Variants in CASP5 observed in about 807,000 individuals in gnomAD.
CASP5 encodes caspase-5.
CASP5 carries 42 observed loss-of-function variants against 45.2 expected under a neutral mutation model. The observed-to-expected ratio is 0.93, with a 90% CI of 0.73 to 1.20. CASP5 has a LOEUF of 1.20. CASP5 is among the 50% of genes most tolerant of loss of function. The probability of loss-of-function intolerance (pLI) is 0.00; values close to 1 mark genes in which losing one functional copy is unlikely to be tolerated. For missense variants in CASP5, 512 were observed against 532.2 expected, an observed-to-expected ratio of 0.96 and a Z score of 0.37; for synonymous variants, 209 against 186.2, an observed-to-expected ratio of 1.12 and a Z score of -1.00.
intron 1 of CASP5, 38 bp downstream of exon 1, chr11:105,023,092 A>G (rs1455373587): frequency 2.6e-6 from 4 of 1,548,232 alleles, no homozygotes; most frequent in Non-Finnish European, 3.5e-6. Context: ...CTAAGACCTG[A>G]GTACCCAGCT....
intron 2 of CASP5, among the ~76,000 whole-genome samples, chr11:105,008,495 T>C (rs545048470): frequency 6.6e-6 from 1 of 152,204 alleles, no homozygotes; most frequent in South Asian, 2.1e-4. Flanking sequence ...TTAAGATACA[T>C]GCAGGAAGCC....
intron 1 of CASP5, 95 bp downstream of exon 1, chr11:105,023,035 C>T: frequency 8.6e-7 from 1 of 1,163,624 alleles, no homozygotes; most frequent in Non-Finnish European, 1.3e-6. Context: ...TGGTTGATTT[C>T]CCTTTTGGTA....
intron 8 of CASP5, 82 bp downstream of exon 8, chr11:104,997,301 T>A (rs1014085032): frequency 1.8e-5 from 18 of 1,019,258 alleles, no homozygotes; most frequent in Non-Finnish European, 2.6e-5. Flanking sequence ...AAAAACTGTG[T>A]CATTTTTATT....
At chr11:105,011,410 C>T (rs893084096) in intron 1 of CASP5, among the ~76,000 whole-genome samples, 9 of 151,690 alleles carry the variant, frequency 5.9e-5, no homozygotes, top group Admixed American at 4.6e-4. Flanking sequence ...GACAAACACA[C>T]CCACTTTCAC....
At chr11:105,012,964 A>ATAT (rs756427974) in intron 1 of CASP5, among the ~76,000 whole-genome samples, 23 of 152,186 alleles carry the variant, frequency 1.5e-4, no homozygotes, top group Middle Eastern at 3.4e-3. Context: ...TTGAAAAGAC[A>ATAT]TATACACTTC....
intron 3 of CASP5, among the ~76,000 whole-genome samples, chr11:105,006,544 C>T (rs1862007691): frequency 6.6e-6 from 1 of 152,146 alleles, no homozygotes. Flanking sequence ...TTTGTGATGC[C>T]AGTGAAACAC....
Position 105,008,840 on chromosome 11 carries a change from G to A in CASP5, c.148C>T (p.Pro50Ser), listed in dbSNP as rs200310283. 1.2e-6 allele frequency: 2 copies of A among 1,612,904 alleles called. No individual in the cohort carries two copies. Among genetic ancestry groups the A allele is most frequent in the East Asian group, 2.2e-5 (1 of 44,848 alleles). ...CTGGTCGACTTTTGATCCGTATTAGGTACTAGGGTCTGGATAGATGTTTGT... is the reference window on the plus strand; with the variant it reads ...CTGGTCGACTTTTGATCCGTATTAGATACTAGGGTCTGGATAGATGTTTGT... ...AGQTSIQTLVPNTDQKSTSVK... is the reference protein window; with the variant it reads ...AGQTSIQTLVSNTDQKSTSVK... The change falls in exon 2 of 10, where the codon CCT (proline) becomes TCT (serine). Residue 50 changes from proline to serine, a missense_variant. Physicochemically the swap from Pro to Ser is moderately conservative, Grantham distance 74. Coordinates refer to ENST00000260315, the MANE Select transcript of CASP5 (RefSeq NM_004347.5).
chr11:105,020,762 G>A (rs571499997), intron 1 of CASP5, among the ~76,000 whole-genome samples: 5 of 152,108 alleles, frequency 3.3e-5, no homozygotes, highest in African/African-American at 1.2e-4. Flanking sequence ...CAATGCCATC[G>A]CCATCAAGCT....
chr11:105,000,411 C>T lies in CASP5; in HGVS notation c.802G>A (p.Gly268Ser). The T allele has an allele frequency of 6.2e-7, 1 of 1,614,172 alleles. No individual in the cohort carries two copies. The change falls in exon 6 of 10, where the codon GGC (glycine) becomes AGC (serine). Residue 268 changes from glycine to serine, a missense_variant. Gly to Ser is a moderately conservative substitution (Grantham distance 56). Transcript: ENST00000260315. ...DSTFLVLMSHGILEGICGTAH... is the reference protein window; with the variant it reads ...DSTFLVLMSHSILEGICGTAH... ...GTTCCGCAGATTCCCTCTAGGATGCCATGAGACATGAGTACCAAGAACGTG... is the reference window on the plus strand; with the variant it reads ...GTTCCGCAGATTCCCTCTAGGATGCTATGAGACATGAGTACCAAGAACGTG...
At chr11:105,007,432 A>T in intron 2 of CASP5, 98 bp from the exon 3 acceptor site, 2 of 1,154,466 alleles carry the variant, frequency 1.7e-6, no homozygotes, top group Non-Finnish European at 2.4e-6. Flanking sequence ...TCCTCTAAAA[A>T]TACATTCTAT....
chr11:104,997,361 A>G (rs370403880), intron 8 of CASP5, 22 bp downstream of exon 8: 2 of 1,440,576 alleles, frequency 1.4e-6, no homozygotes, highest in African/African-American at 2.8e-5. Context: ...GTAAATGACT[A>G]GAAAAGGAAA....
rs3181320 is a variant in CASP5, at chr11:105,008,901, G to A, written c.87C>T (p.Phe29=). The change falls in exon 2 of 10, where the codon TTC becomes TTT. Residue 29 remains phenylalanine, a synonymous_variant. Coordinates refer to ENST00000260315, the MANE Select transcript of CASP5 (RefSeq NM_004347.5). ...KGILQSGLDN[F]VINHMLKNNV... ...TGTTCTTTAGCATGTGGTTTATCAC[G>A]AAGTTATCCAATCCACTCTGAAGGA... 23 of 1,612,870 alleles carry A rather than the reference G, an allele frequency of 1.4e-5. No individual in the cohort carries two copies. The highest frequency in any genetic ancestry group is 2.2e-5 in the East Asian group (1 of 44,848).
chr11:105,015,379 G>A (rs1382822473), intron 1 of CASP5, among the ~76,000 whole-genome samples: 1 of 152,080 alleles, frequency 6.6e-6, no homozygotes, highest in Non-Finnish European at 1.5e-5. Flanking sequence ...ATTACTTTTT[G>A]TTATTTTAGT....
chr11:105,017,488 C>A (rs1376961204), intron 1 of CASP5, among the ~76,000 whole-genome samples: 1 of 151,958 alleles, frequency 6.6e-6, no homozygotes, highest in Non-Finnish European at 1.5e-5. Context: ...AAAACCAAGG[C>A]TCGAGAACTA....
In CASP5 at chr11:105,011,974, A is replaced by C. The variant is rs569136666; in HGVS notation, c.8-2994T>G. ...CATATGGAATTATTTAAAAATTCAA[A>C]TAGCCAAAGCATCCTTGAGTAAAGA... On this transcript the variant is annotated intron_variant, in intron 1 of 9. Coordinates refer to ENST00000260315, the MANE Select transcript of CASP5 (RefSeq NM_004347.5). 7.4e-4 allele frequency among the ~76,000 whole-genome samples: 112 copies of C among 151,934 alleles called. 3 individuals carry two copies. In the South Asian group the frequency reaches 0.022, roughly 30 times the overall value.
chr11:105,004,705 A>G (rs1327695608), intron 3 of CASP5, among the ~76,000 whole-genome samples: 1 of 152,152 alleles, frequency 6.6e-6, no homozygotes, highest in Non-Finnish European at 1.5e-5. Flanking sequence ...GTCTTGCTAA[A>G]GAGTATGATA....
At chr11:105,008,216 T>C (rs1862102951) in intron 2 of CASP5, among the ~76,000 whole-genome samples, 1 of 152,062 alleles carries the variant, frequency 6.6e-6, no homozygotes, top group Non-Finnish European at 1.5e-5. Context: ...ACAAATTTGT[T>C]TAGAAGAAAA....
At chr11:104,999,576 T>TCATA (rs1861625071) in intron 6 of CASP5, among the ~76,000 whole-genome samples, 2 of 152,122 alleles carry the variant, frequency 1.3e-5, no homozygotes, top group Admixed American at 1.3e-4. Flanking sequence ...CTAACTAATT[T>TCATA]CATACATACA....
At chr11:105,020,138 G>T (rs1862869705) in intron 1 of CASP5, among the ~76,000 whole-genome samples, 1 of 145,552 alleles carries the variant, frequency 6.9e-6, no homozygotes, top group African/African-American at 2.5e-5. Context: ...AATAAATTAG[G>T]TATTGATGGG....
Sources: allele counts gnomAD v4.1 joint callset (sites outside exome capture counted in the v4.1 genomes callset), GRCh38; gene constraint gnomAD v4.1.1; transcripts MANE v1.5; gene names NCBI Gene and HGNC (gene_info 2026-07-23, HGNC 2026-07-21).